The following COQ10A variants were observed in gnomAD, a reference collection of about 807,000 sequenced individuals.
COQ10A encodes the protein coenzyme Q-binding protein COQ10 homolog A, mitochondrial.
Under a neutral mutation model 26.1 loss-of-function variants are expected in COQ10A, and 25 were observed. The observed-to-expected ratio is 0.96, with a 90% CI of 0.70 to 1.34. The LOEUF (loss-of-function observed/expected upper bound fraction) is 1.34, where lower values mean the gene tolerates loss of function less well. Among genes scored for constraint, COQ10A ranks in the 40% most tolerant of loss-of-function variants. The probability of loss-of-function intolerance (pLI) is 0.00; values close to 1 mark genes in which losing one functional copy is unlikely to be tolerated. For synonymous variants in COQ10A, 132 were observed against 124.0 expected (o/e 1.06, Z -0.43); for missense variants, 312 against 335.4 (o/e 0.93, Z 0.54).
rs769051299 is a variant in COQ10A at position 56,267,200 on chromosome 12, G to A, written c.82G>A (p.Gly28Ser). The change falls in exon 1 of 5, where the codon GGC becomes AGC. Residue 28 changes from glycine to serine, a missense_variant. Physicochemically the swap from Gly to Ser is moderately conservative, Grantham distance 56. Coordinates refer to ENST00000308197, the MANE Select transcript of COQ10A (RefSeq NM_144576.4). ...CTGCTGCCGGCTCTCGCTCAGCCCG[G>A]GCGCGCAACCGGCCCCGCCCCCAGG... ...ERCCRLSLSP[G>S]AQPAPPPGPL... is the part of the protein sequence containing the mutation. The A allele has an allele frequency of 6.4e-6, 9 of 1,410,642 alleles. No homozygotes were observed. Among genetic ancestry groups the A allele is most frequent in the Non-Finnish European group, 8.3e-6 (9 of 1,085,646 alleles). 87.4% of individuals were successfully genotyped at this position (1,410,642 alleles called of 1,614,324 possible).
intron 1 of COQ10A, 77 bp downstream of exon 1, chr12:56,267,329 C>G: frequency 6.2e-7 from 1 of 1,613,240 alleles, no homozygotes; most frequent in Non-Finnish European, 8.5e-7. Flanking sequence ...GGGTGCTATA[C>G]TGGGATGCAG....
chr12:56,267,048 G>T lies in COQ10A; in HGVS notation c.-71G>T. The T allele has an allele frequency of 8.2e-7, 1 of 1,220,282 alleles. No individual in the cohort carries two copies. The highest frequency in any genetic ancestry group is 1.0e-6 in the Non-Finnish European group (1 of 979,244). The allele number at this position is 1,220,282 out of a possible 1,614,324, so 75.6% of individuals were successfully genotyped here. A position where few individuals can be genotyped will look rare whatever the true frequency, so the allele number is the denominator to read the frequency against. ...CGAACCAGCCCAGCCGCTGCCTCTT[G>T]CCGCTCCGCCTTTGGAGTGAGGAGG... On this transcript the variant is annotated 5_prime_UTR_variant, in exon 1 of 5. Transcript: ENST00000308197.
rs539883215 is a variant in COQ10A, at chr12:56,269,109, G to A, written c.332G>A (p.Arg111His). The A allele has an allele frequency of 1.1e-5, 18 of 1,614,076 alleles. No individual in the cohort carries two copies. Among genetic ancestry groups the A allele is most frequent in the East Asian group, 4.5e-5 (2 of 44,880 alleles). ...YEVVSNVQEY[R>H]EFVPWCKKSL... ...GTGGTGTCCAACGTCCAGGAGTATC[G>A]TGAGTTTGTGCCCTGGTGTAAGAAG... Residue 111 changes from arginine to histidine, a missense_variant, in exon 3 of 5, where the codon CGT becomes CAT. Physicochemically the swap from Arg to His is conservative, Grantham distance 29 (BLOSUM62 0). Coordinates refer to ENST00000308197, the MANE Select transcript of COQ10A (RefSeq NM_144576.4).
chr12:56,269,979 G>A (rs1872464168), intron 4 of COQ10A, 171 bp from the exon 5 acceptor site: 2 of 663,866 alleles, frequency 3.0e-6, no homozygotes, highest in East Asian at 5.1e-5. Context: ...GTTAGTCTGA[G>A]CTTGTGTCAG....
At chr12:56,267,710 G>A (rs1351826880) in intron 1 of COQ10A, 84 bp from the exon 2 acceptor site, 1 of 1,572,104 alleles carries the variant, frequency 6.4e-7, no homozygotes, top group African/African-American at 1.4e-5. Context: ...CTTCGTCTGG[G>A]ATGCACTCTT....
chr12:56,269,932 G>T (rs1236656222), intron 4 of COQ10A: 1 of 586,244 alleles, frequency 1.7e-6, no homozygotes, highest in Non-Finnish European at 3.0e-6. Context: ...GACCTGACAG[G>T]GTTATTCTTT....
intron 4 of COQ10A, 145 bp downstream of exon 4, chr12:56,269,706 C>A: frequency 3.0e-6 from 2 of 671,604 alleles, no homozygotes; most frequent in South Asian, 3.4e-5. Context: ...TGGCTCACTG[C>A]AACCTCCACC....
chr12:56,269,913 C>T lies in COQ10A; in HGVS notation c.577-237C>T, dbSNP rs1483752549. On this transcript the variant is annotated intron_variant, in intron 4 of 4. Transcript: ENST00000308197. ...AAGTGCTGGGATTACAGGCGTGAGC[C>T]ACCGCACCGACCTGACAGGGTTATT... 7 of 558,124 alleles carry T rather than the reference C, an allele frequency of 1.3e-5. No individual in the cohort carries two copies. The South Asian group carries it at 1.5e-4, about 12-fold the overall frequency. 34.6% of individuals were successfully genotyped at this position (558,124 alleles called of 1,614,324 possible).
Position 56,267,164 on chromosome 12 carries a change from G to A in COQ10A, c.46G>A (p.Ala16Thr), listed in dbSNP as rs991388268. The A allele has an allele frequency of 1.9e-5, 25 of 1,341,378 alleles. No individual in the cohort carries two copies. The highest frequency in any genetic ancestry group is 2.4e-5 in the Non-Finnish European group (25 of 1,052,882). 83.1% of individuals were successfully genotyped at this position (1,341,378 alleles called of 1,614,324 possible). The change falls in exon 1 of 5, where the codon GCA (alanine) becomes ACA (threonine). Residue 16 changes from alanine (A) to threonine (T), a missense_variant. Physicochemically the swap from Ala to Thr is moderately conservative, Grantham distance 58. Coordinates refer to ENST00000308197, the MANE Select transcript of COQ10A (RefSeq NM_144576.4). Reference sequence around the variant, plus strand: ...GCGGGTCCCAGCTGGGACGCGCGCGGCAGCCGAGCGCTGCTGCCGGCTCTC... The same window carrying A: ...GCGGGTCCCAGCTGGGACGCGCGCGACAGCCGAGCGCTGCTGCCGGCTCTC... ...SRRVPAGTRA[A>T]AERCCRLSLS...
In COQ10A at chr12:56,267,919, A is replaced by G. The variant is rs776232191; in HGVS notation, c.260A>G (p.Tyr87Cys). 2 of 1,614,084 alleles carry G rather than the reference A, an allele frequency of 1.2e-6. No individual in the cohort carries two copies. The highest frequency in any genetic ancestry group is 1.7e-6 in the Non-Finnish European group (2 of 1,180,018). Reference protein sequence around the residue: ...AAPFTNKRKAYSERRIMGYSM... With the variant: ...AAPFTNKRKACSERRIMGYSM... The stretch of plus-strand genomic sequence containing the variant: ...CCCTTCACCAACAAGCGAAAGGCTT[A>G]CTCGGAGCGTAGAATCATGGGGTAA... Residue 87 changes from tyrosine to cysteine, a missense_variant, in exon 2 of 5, where the codon TAC becomes TGC. By Grantham distance (194) the Tyr-to-Cys change is radical (BLOSUM62 -2). Transcript: ENST00000308197.
rs1565616533 is a variant in COQ10A at position 56,267,217 on chromosome 12, G to T, written c.99G>T (p.Pro33=). 1.4e-6 allele frequency: 2 copies of T among 1,442,386 alleles called. No individual in the cohort carries two copies. Among genetic ancestry groups the T allele is most frequent in the South Asian group, 1.4e-5 (1 of 69,466 alleles). 89.3% of individuals were successfully genotyped at this position (1,442,386 alleles called of 1,614,324 possible). The change falls in exon 1 of 5, where the codon CCG becomes CCT. Residue 33 remains proline, a synonymous_variant. Coordinates refer to ENST00000308197, the MANE Select transcript of COQ10A (RefSeq NM_144576.4). ...TCAGCCCGGGCGCGCAACCGGCCCC[G>T]CCCCCAGGCCCTCTGCCACCGCCGC... ...LSLSPGAQPA[P]PPGPLPPPRP...
rs1204102669 is a variant in COQ10A at position 56,269,086 on chromosome 12, G to A, written c.309G>A (p.Val103=). ...ACTCAATGCAGGAGATGTATGAGGT[G>A]GTGTCCAACGTCCAGGAGTATCGTG... is the stretch of plus-strand genomic sequence containing the variant. ...MGYSMQEMYE[V]VSNVQEYREF... is the part of the protein sequence containing the mutation. The change falls in exon 3 of 5, where the codon GTG becomes GTA. Residue 103 remains valine (V), a synonymous_variant. Coordinates refer to ENST00000308197, the MANE Select transcript of COQ10A (RefSeq NM_144576.4). The A allele has an allele frequency of 6.2e-7, 1 of 1,613,926 alleles. No homozygotes were observed. The highest frequency in any genetic ancestry group is 8.5e-7 in the Non-Finnish European group (1 of 1,180,002).
In COQ10A at chr12:56,269,051, T is replaced by G; in HGVS notation, c.282-8T>G. On this transcript the variant is annotated splice_polypyrimidine_tract_variant and splice_region_variant and intron_variant, in intron 2 of 4. Coordinates refer to ENST00000308197, the MANE Select transcript of COQ10A (RefSeq NM_144576.4). ...CAGCTCCTTGGCCTGTGATTCTTCT[T>G]CTCCTAGGTACTCAATGCAGGAGAT... The G allele has an allele frequency of 6.2e-7, 1 of 1,610,938 alleles. No individual in the cohort carries two copies. Among genetic ancestry groups the G allele is most frequent in the East Asian group, 2.2e-5 (1 of 44,824 alleles).
rs761084984 is a variant in COQ10A, at chr12:56,269,205, A to G, written c.428A>G (p.Glu143Gly). 9.9e-6 allele frequency: 16 copies of G among 1,614,020 alleles called. No individual in the cohort carries two copies. The Middle Eastern group carries it at 6.6e-4, about 66-fold the overall frequency. ...GAGGTTGGCTTTCCACCTGTCATGGAACGTTACACCTCTGCAGTTTCCATG... is the reference window on the plus strand; with the variant it reads ...GAGGTTGGCTTTCCACCTGTCATGGGACGTTACACCTCTGCAGTTTCCATG... ...QLEVGFPPVM[E>G]RYTSAVSMVK... is the part of the protein sequence containing the mutation. Residue 143 changes from glutamate (E) to glycine (G), a missense_variant, in exon 3 of 5, where the codon GAA becomes GGA. Transcript: ENST00000308197.
intron 1 of COQ10A, 101 bp downstream of exon 1, chr12:56,267,353 T>A (rs771123805): frequency 6.2e-7 from 1 of 1,613,588 alleles, no homozygotes; most frequent in African/African-American, 1.3e-5. Context: ...CGGCGGGGAC[T>A]GGCAGCAATC....
rs993348493 is a variant in COQ10A at position 56,267,507 on chromosome 12, C to G, written c.134+255C>G. 5 of 1,573,224 alleles carry G rather than the reference C, an allele frequency of 3.2e-6. No individual in the cohort carries two copies. In the African/African-American group the frequency reaches 6.8e-5, roughly 21 times the overall value. ...GGGGACAGTGATGCTTCCTTAAAGT[C>G]TTAGCTTTCAGCAGTAGTGTAGGCC... On this transcript the variant is annotated intron_variant, in intron 1 of 4. Transcript: ENST00000308197.
At position 56,267,132 on chromosome 12, in the gene COQ10A, G is replaced by A; in HGVS notation, c.14G>A (p.Gly5Asp). The change falls in exon 1 of 5, where the codon GGC becomes GAC. Residue 5 changes from glycine to aspartate, a missense_variant. By Grantham distance (94) the Gly-to-Asp change is moderately conservative. Transcript: ENST00000308197. Reference protein sequence around the residue: MAWAGSRRVPAGTRA... With the variant: MAWADSRRVPAGTRA... ...AGGGTCGCGCGCATGGCCTGGGCGG[G>A]CTCGCGGCGGGTCCCAGCTGGGACG... The A allele has an allele frequency of 7.7e-7, 1 of 1,301,512 alleles. No individual in the cohort carries two copies. The highest frequency in any genetic ancestry group is 9.7e-7 in the Non-Finnish European group (1 of 1,030,584). 80.6% of individuals were successfully genotyped at this position (1,301,512 alleles called of 1,614,324 possible).
Position 56,267,142 on chromosome 12 carries a change from G to A in COQ10A, c.24G>A (p.Arg8=). Reference sequence around the variant, plus strand: ...GCATGGCCTGGGCGGGCTCGCGGCGGGTCCCAGCTGGGACGCGCGCGGCAG... The same window carrying A: ...GCATGGCCTGGGCGGGCTCGCGGCGAGTCCCAGCTGGGACGCGCGCGGCAG... MAWAGSR[R]VPAGTRAAAE... The change falls in exon 1 of 5, where the codon CGG becomes CGA. Residue 8 remains arginine (R), a synonymous_variant. Transcript: ENST00000308197. The A allele has an allele frequency of 2.3e-6, 3 of 1,308,828 alleles. No individual in the cohort carries two copies. Among genetic ancestry groups the A allele is most frequent in the Non-Finnish European group, 2.9e-6 (3 of 1,035,092 alleles). 81.1% of individuals were successfully genotyped at this position (1,308,828 alleles called of 1,614,324 possible).
Position 56,270,366 on chromosome 12 carries a change from A to T in COQ10A, c.*49A>T, listed in dbSNP as rs775219636. The T allele has an allele frequency of 3.9e-6, 6 of 1,553,684 alleles. No individual in the cohort carries two copies. The Admixed American group carries it at 1.1e-4, about 28-fold the overall frequency. ...CCCTTCTACCCCACTTCCCTACACAATTCTCTTATTTATTTGGTTTGGCTC... is the reference window on the plus strand; with the variant it reads ...CCCTTCTACCCCACTTCCCTACACATTTCTCTTATTTATTTGGTTTGGCTC... On this transcript the variant is annotated 3_prime_UTR_variant, in exon 5 of 5. Coordinates refer to ENST00000308197, the MANE Select transcript of COQ10A (RefSeq NM_144576.4).
Sources: allele counts gnomAD v4.1 joint callset, GRCh38; gene constraint gnomAD v4.1.1; transcripts MANE v1.5; gene names NCBI Gene and HGNC (gene_info 2026-07-23, HGNC 2026-07-21).